The following AAK1 variants were observed in gnomAD, a reference collection of about 807,000 sequenced individuals.
The protein encoded by AAK1 is AP2 associated kinase 1.
In AAK1, 37 loss-of-function variants were observed where a neutral mutation model predicts 116.0. The observed-to-expected ratio is 0.32, with a 90% CI of 0.25 to 0.42. The LOEUF (loss-of-function observed/expected upper bound fraction) is 0.42, where lower values mean the gene tolerates loss of function less well. Ranked by LOEUF, AAK1 falls within the 10% of genes least tolerant of loss-of-function variation. AAK1 has a pLI of 1.00. For missense variants in AAK1, 919 were observed against 1,170.6 expected (o/e 0.79, Z 3.14); for synonymous variants, 458 against 439.9 (o/e 1.04, Z -0.51).
intron 12 of AAK1, 65 bp downstream of exon 12, chr2:69,518,889 C>G: frequency 6.8e-7 from 1 of 1,470,876 alleles, no homozygotes; most frequent in Non-Finnish European, 9.0e-7. Flanking sequence ...ACACCTTTAC[C>G]TAGTGGGCCT....
chr2:69,520,705 T>C (rs905454154), intron 11 of AAK1, 129 bp downstream of exon 11: 5 of 1,143,738 alleles, frequency 4.4e-6, no homozygotes, highest in African/African-American at 3.2e-5. Flanking sequence ...CTCCTGTTCC[T>C]CAAGGAACAC....
intron 2 of AAK1, among the ~76,000 whole-genome samples, chr2:69,560,311 A>G (rs1671580235): frequency 6.6e-6 from 1 of 152,242 alleles, no homozygotes. Context: ...TGAGATTCTC[A>G]GCCAGAGCTT....
At chr2:69,564,417 GAA>G (rs35843540) in intron 2 of AAK1, among the ~76,000 whole-genome samples, 1 of 137,860 alleles carries the variant, frequency 7.3e-6, no homozygotes, top group Non-Finnish European at 1.6e-5. Context: ...AGAAAGGCTA[GAA>G]AAAAAAAAAG....
rs144297652 is a variant in AAK1 at position 69,571,812 on chromosome 2, T to C, written c.164-14834A>G. 1.2e-3 allele frequency among the ~76,000 whole-genome samples: 182 copies of C among 152,248 alleles called. 2 individuals carry two copies. The highest frequency in any genetic ancestry group is 8.7e-3 in the South Asian group (42 of 4,816). ...AGAGAAGTGGACAGGGGTACATGGC[T>C]TGCACTGTTACCTTTCTTGAGCTGA... On this transcript the variant is annotated intron_variant, in intron 2 of 21. Coordinates refer to ENST00000409085, the MANE Select transcript of AAK1 (RefSeq NM_014911.5).
At chr2:69,557,303 T>G (rs1184962991) in intron 2 of AAK1, among the ~76,000 whole-genome samples, 14 of 116,236 alleles carry the variant, frequency 1.2e-4, no homozygotes, top group African/African-American at 4.6e-4. Context: ...CCTATGTACT[T>G]TTTTTTTTTT....
At chr2:69,598,691 T>C (rs1174580705) in intron 2 of AAK1, 1 of 160,402 alleles carries the variant, frequency 6.2e-6, no homozygotes, top group African/African-American at 2.4e-5. Context: ...AGATAATTTT[T>C]TTATTTTTTG....
chr2:69,584,624 G>C (rs1196145229), intron 2 of AAK1, among the ~76,000 whole-genome samples: 3 of 152,142 alleles, frequency 2.0e-5, no homozygotes, highest in African/African-American at 7.2e-5. Context: ...CACATGACAT[G>C]ATTTCTAAGG....
intron 17 of AAK1, among the ~76,000 whole-genome samples, chr2:69,484,870 A>G (rs921982932): frequency 2.1e-4 from 31 of 150,362 alleles, no homozygotes; most frequent in Non-Finnish European, 3.6e-4. Context: ...GTGAGTCTCA[A>G]AAAAAAAAAT....
rs138536289 is a variant in AAK1 at position 69,598,929 on chromosome 2, T to C, written c.164-41951A>G. On this transcript the variant is annotated intron_variant, in intron 2 of 21. Coordinates refer to ENST00000409085, the MANE Select transcript of AAK1 (RefSeq NM_014911.5). ...ATCATTACTTTTTGATAGATTATGC[T>C]AAGGAACATCACATGCCATTATTAA... The C allele has an allele frequency of 6.5e-5, 27 of 418,520 alleles. No homozygotes were observed. The East Asian group carries it at 2.1e-3, about 32-fold the overall frequency. The allele number at this position is 418,520 out of a possible 1,614,324, so 25.9% of individuals were successfully genotyped here. A position where few individuals can be genotyped will look rare whatever the true frequency, so the allele number is the denominator to read the frequency against.
At chr2:69,491,113 A>C (rs1675503689) in intron 17 of AAK1, among the ~76,000 whole-genome samples, 1 of 151,600 alleles carries the variant, frequency 6.6e-6, no homozygotes, top group South Asian at 2.1e-4. Flanking sequence ...ATTAAAAAAA[A>C]ATTTTTTTTT....
rs1464316216 is a variant in AAK1 at position 69,463,115 on chromosome 2, C to T, written c.*12754G>A. ...TTCCTGAACTTTAAAGAATATCACA[C>T]CTAATCAACCGCAATAGAATTGGGC... On this transcript the variant is annotated 3_prime_UTR_variant, in exon 22 of 22. Transcript: ENST00000409085. The T allele has an allele frequency of 6.6e-6, 1 of 152,170 alleles. No individual in the cohort carries two copies. The highest frequency in any genetic ancestry group is 1.5e-5 in the Non-Finnish European group (1 of 68,034). 9.4% of individuals were successfully genotyped at this position (152,170 alleles called of 1,614,324 possible).
chr2:69,593,704 C>T (rs1673135766), intron 2 of AAK1, among the ~76,000 whole-genome samples: 1 of 152,080 alleles, frequency 6.6e-6, no homozygotes, highest in African/African-American at 2.4e-5. Flanking sequence ...TCAAGATAAG[C>T]TACTATTTAC....
chr2:69,541,392 G>A (rs926564105), intron 5 of AAK1, among the ~76,000 whole-genome samples: 2 of 151,822 alleles, frequency 1.3e-5, no homozygotes, highest in African/African-American at 2.4e-5. Flanking sequence ...TACTACACCC[G>A]GCTAATTTTT....
chr2:69,629,641 G>C (rs1573024584), intron 2 of AAK1, among the ~76,000 whole-genome samples: 1 of 152,156 alleles, frequency 6.6e-6, no homozygotes, highest in East Asian at 1.9e-4. Flanking sequence ...AATAAGGGAG[G>C]TTTGTATATC....
chr2:69,535,560 T>A (rs781720828), intron 5 of AAK1, among the ~76,000 whole-genome samples: 1 of 152,192 alleles, frequency 6.6e-6, no homozygotes, highest in Non-Finnish European at 1.5e-5. Flanking sequence ...TGAATGTATG[T>A]AAGGTGAAGA....
chr2:69,490,320 A>G (rs1290668686), intron 17 of AAK1, among the ~76,000 whole-genome samples: 1 of 152,214 alleles, frequency 6.6e-6, no homozygotes, highest in Non-Finnish European at 1.5e-5. Flanking sequence ...TATACCCAAG[A>G]GAATTGAAAG....
Position 69,474,780 on chromosome 2 carries a change from T to C in AAK1, c.*1089A>G, listed in dbSNP as rs1041015192. 4 of 985,684 alleles carry C rather than the reference T, an allele frequency of 4.1e-6. No individual in the cohort carries two copies. Among genetic ancestry groups the C allele is most frequent in the East Asian group, 2.3e-4 (2 of 8,826 alleles). The allele number at this position is 985,684 out of a possible 1,614,324, so 61.1% of individuals were successfully genotyped here. A position where few individuals can be genotyped will look rare whatever the true frequency, so the allele number is the denominator to read the frequency against. On this transcript the variant is annotated 3_prime_UTR_variant, in exon 22 of 22. Transcript: ENST00000409085. ...TGATTCCATATGTTACACTGTAGGA[T>C]TGTTGTGTAGTTATACAAGGGAAAG...
Position 69,584,530 on chromosome 2 carries a change from C to CAAGTTGGG in AAK1, c.164-27553_164-27552insCCCAACTT, listed in dbSNP as rs1284543402. Among the ~76,000 whole-genome samples the CAAGTTGGG allele has an allele frequency of 2.9e-4, 44 of 152,210 alleles. 1 individual carries two copies. The South Asian group carries it at 8.5e-3, about 29-fold the overall frequency. On this transcript the variant is annotated intron_variant, in intron 2 of 21. Coordinates refer to ENST00000409085, the MANE Select transcript of AAK1 (RefSeq NM_014911.5). ...TTTTTCTCTTGGTGCCTTGGTTTCC[C>CAAGTTGGG]AACTTGTTTCAAGTTGGGAACTTGC... is the stretch of plus-strand genomic sequence containing the variant.
intron 17 of AAK1, among the ~76,000 whole-genome samples, chr2:69,489,470 G>C (rs200789107): frequency 6.8e-6 from 1 of 146,878 alleles, no homozygotes; most frequent in African/African-American, 2.5e-5. Context: ...AAAAAAAAGA[G>C]GACAGGTATC....
Sources: allele counts gnomAD v4.1 joint callset (sites outside exome capture counted in the v4.1 genomes callset), GRCh38; gene constraint gnomAD v4.1.1; transcripts MANE v1.5; gene names NCBI Gene and HGNC (gene_info 2026-07-23, HGNC 2026-07-21).